ARL14EPL: variants seen among roughly 807,000 people sequenced by gnomAD.
The protein encoded by ARL14EPL is ARF like GTPase 14 effector protein like.
ARL14EPL carries 17 observed loss-of-function variants against 15.9 expected under a neutral mutation model. The ratio of observed to expected loss-of-function variants is 1.07; its 90% CI spans 0.73 to 1.60. The LOEUF (loss-of-function observed/expected upper bound fraction) is 1.60, where lower values mean the gene tolerates loss of function less well. Among genes scored for constraint, ARL14EPL ranks in the 40% most tolerant of loss-of-function variants. The probability of loss-of-function intolerance (pLI) is 0.00; values close to 1 mark genes in which losing one functional copy is unlikely to be tolerated. For missense variants in ARL14EPL, 214 were observed against 185.9 expected (o/e 1.15, Z -0.88); for synonymous variants, 78 against 63.8 (o/e 1.22, Z -1.06).
chr5:116,055,756 T>C (rs1250596935), intron 3 of ARL14EPL, among the ~76,000 whole-genome samples: 1 of 152,132 alleles, frequency 6.6e-6, no homozygotes, highest in African/African-American at 2.4e-5. Flanking sequence ...CATTAACTCC[T>C]CATTTACATT....
At chr5:116,032,559 T>C (rs185693696) in intron 1 of ARL14EPL, 54 bp downstream of exon 1, 6 of 152,184 alleles carry the variant, frequency 3.9e-5, no homozygotes, top group African/African-American at 1.4e-4. Flanking sequence ...TATTTGCATA[T>C]TTTTAATTAC....
In ARL14EPL at chr5:116,052,151, T is replaced by G; in HGVS notation, c.96+590T>G. 2.5e-6 allele frequency: 4 copies of G among 1,611,000 alleles called. No individual in the cohort carries two copies. The South Asian group carries it at 3.3e-5, about 13-fold the overall frequency. ...GGTAGCTTTGTCAAACAAGACTAAGTTATTGAGCTTGTCCCGAACTTTGCC... is the reference window on the plus strand; with the variant it reads ...GGTAGCTTTGTCAAACAAGACTAAGGTATTGAGCTTGTCCCGAACTTTGCC... On this transcript the variant is annotated intron_variant, in intron 2 of 3. Transcript: ENST00000686077.
At chr5:116,053,514 C>T (rs975191561) in intron 2 of ARL14EPL, among the ~76,000 whole-genome samples, 9 of 152,152 alleles carry the variant, frequency 5.9e-5, no homozygotes, top group Admixed American at 3.9e-4. Flanking sequence ...TGGAGACCCC[C>T]CGCGTGGAGG....
At chr5:116,035,310 A>G (rs150785060) in intron 1 of ARL14EPL, among the ~76,000 whole-genome samples, 1 of 152,358 alleles carries the variant, frequency 6.6e-6, no homozygotes, top group Non-Finnish European at 1.5e-5. Flanking sequence ...CACTTGCTTC[A>G]GTAGGTACTT....
At chr5:116,041,397 G>C (rs1340366017) in intron 1 of ARL14EPL, among the ~76,000 whole-genome samples, 1 of 152,162 alleles carries the variant, frequency 6.6e-6, no homozygotes, top group Admixed American at 6.5e-5. Flanking sequence ...GGAAAACACT[G>C]AAGTAGTTTT....
At chr5:116,047,419 T>C (rs1749294601) in intron 1 of ARL14EPL, among the ~76,000 whole-genome samples, 1 of 152,240 alleles carries the variant, frequency 6.6e-6, no homozygotes, top group Non-Finnish European at 1.5e-5. Flanking sequence ...GGGGGTCACC[T>C]AAATCTGACA....
At chr5:116,056,512 A>G (rs1199268763) in intron 3 of ARL14EPL, among the ~76,000 whole-genome samples, 2 of 151,726 alleles carry the variant, frequency 1.3e-5, no homozygotes, top group East Asian at 3.9e-4. Context: ...TTTTCTTGTA[A>G]ATTTGTTTGT....
At chr5:116,039,594 A>C (rs1749110830) in intron 1 of ARL14EPL, among the ~76,000 whole-genome samples, 1 of 152,180 alleles carries the variant, frequency 6.6e-6, no homozygotes, top group African/African-American at 2.4e-5. Context: ...ATTAAGGGGA[A>C]AAAAAGAATG....
intron 1 of ARL14EPL, among the ~76,000 whole-genome samples, chr5:116,046,302 C>T (rs1026797592): frequency 3.3e-5 from 5 of 152,126 alleles, no homozygotes; most frequent in South Asian, 4.1e-4. Context: ...TTAAATGGAA[C>T]GTTTCTTGCT....
intron 1 of ARL14EPL, among the ~76,000 whole-genome samples, chr5:116,040,736 G>T (rs986701125): frequency 1.3e-5 from 2 of 150,902 alleles, no homozygotes; most frequent in Admixed American, 6.6e-5. Flanking sequence ...CTGTTTGGGA[G>T]GCCAAGGTGG....
At chr5:116,053,362 A>AAG (rs1197884736) in intron 2 of ARL14EPL, among the ~76,000 whole-genome samples, 2 of 147,782 alleles carry the variant, frequency 1.4e-5, no homozygotes, top group Non-Finnish European at 3.0e-5. Flanking sequence ...AAAAAAAAAA[A>AAG]GAAAAGAAAG....
intron 3 of ARL14EPL, among the ~76,000 whole-genome samples, chr5:116,057,230 T>C (rs1040847810): frequency 6.6e-6 from 1 of 152,150 alleles, no homozygotes; most frequent in Non-Finnish European, 1.5e-5. Context: ...TTTTATAACA[T>C]CAAGGTACAG....
At chr5:116,032,704 A>C (rs1029783487) in intron 1 of ARL14EPL, among the ~76,000 whole-genome samples, 199 bp downstream of exon 1, 2 of 152,220 alleles carry the variant, frequency 1.3e-5, no homozygotes, top group Non-Finnish European at 2.9e-5. Context: ...GTAGGATACT[A>C]TCCATGGTTT....
chr5:116,035,924 G>A (rs1749042086), intron 1 of ARL14EPL, among the ~76,000 whole-genome samples: 1 of 152,210 alleles, frequency 6.6e-6, no homozygotes, highest in Admixed American at 6.5e-5. Flanking sequence ...GGGTGATACC[G>A]ACGGAAACTG....
At position 116,040,979 on chromosome 5, in the gene ARL14EPL, C is replaced by CAAAAAAAAAAAAAAA. The variant is rs56060606; in HGVS notation, c.-10+8488_-10+8489insAAAAAAAAAAAAAAA. ...TGGGAGACAGAACGAGATTCCCTCT[C>CAAAAAAAAAAAAAAA]AAAAAAAAAAAAAAGTTTTTATGCT... On this transcript the variant is annotated intron_variant, in intron 1 of 3. Transcript: ENST00000686077. Among the ~76,000 whole-genome samples, 240 of 66,046 alleles carry CAAAAAAAAAAAAAAA rather than the reference C, an allele frequency of 3.6e-3. 33 individuals carry two copies. The highest frequency in any genetic ancestry group is 8.8e-3 in the Middle Eastern group (1 of 114). 43.3% of individuals were successfully genotyped at this position (66,046 alleles called of 152,430 possible).
intron 2 of ARL14EPL, chr5:116,052,385 A>G: frequency 1.4e-6 from 1 of 720,676 alleles, no homozygotes; most frequent in Non-Finnish European, 2.5e-6. Context: ...TTTTGTTATT[A>G]TTATGTCACG....
rs189391911 is a variant in ARL14EPL at position 116,052,139 on chromosome 5, A to G, written c.96+578A>G. On this transcript the variant is annotated intron_variant, in intron 2 of 3. Coordinates refer to ENST00000686077, the MANE Select transcript of ARL14EPL (RefSeq NM_001195581.2). ...GAGTTTGTCATAGGTAGCTTTGTCA[A>G]ACAAGACTAAGTTATTGAGCTTGTC... is the stretch of plus-strand genomic sequence containing the variant. 4 of 1,612,208 alleles carry G rather than the reference A, an allele frequency of 2.5e-6. No homozygotes were observed. In the Admixed American group the frequency reaches 6.7e-5, roughly 27 times the overall value.
At chr5:116,056,482 G>T (rs7709300) in intron 3 of ARL14EPL, among the ~76,000 whole-genome samples, 114,810 of 152,106 alleles carry the variant, frequency 0.75, 43,808 homozygotes, top group Non-Finnish European at 0.79. Flanking sequence ...TCGCCCACTT[G>T]TTGATGGGGT....
intron 3 of ARL14EPL, among the ~76,000 whole-genome samples, chr5:116,055,893 C>A (rs564346787): frequency 6.6e-6 from 1 of 151,960 alleles, no homozygotes; most frequent in Non-Finnish European, 1.5e-5. Flanking sequence ...TGAGAACATG[C>A]GGTGTTTGGT....
Sources: gnomAD v4.1 joint callset for allele counts (sites outside exome capture counted in the v4.1 genomes callset) on GRCh38, gnomAD v4.1.1 for gene constraint, MANE v1.5 for transcripts, NCBI Gene and HGNC (gene_info 2026-07-23, HGNC 2026-07-21) for gene names.